Variants in KLF17 observed in about 807,000 individuals in gnomAD.
The protein encoded by KLF17 is Krueppel-like factor 17.
In KLF17, 31 loss-of-function variants were observed where a neutral mutation model predicts 34.2. The observed-to-expected ratio is 0.91, with a 90% confidence interval of 0.68 to 1.22. KLF17 has a LOEUF of 1.22. Ranked by LOEUF, KLF17 falls within the 50% of genes most tolerant of loss-of-function variation. The pLI is 0.00. For missense variants in KLF17, 478 were observed against 505.2 expected (o/e 0.95, Z 0.52); for synonymous variants, 179 against 186.7 (o/e 0.96, Z 0.34).
At chr1:44,078,167 C>T in the KLF17 span, among the ~76,000 whole-genome samples, 1 of 152,170 alleles carries the variant, frequency 6.6e-6, no homozygotes, top group African/African-American at 2.4e-5. Flanking sequence ...ACACTGAAAC[C>T]ATGAAGCAAG....
the KLF17 span, among the ~76,000 whole-genome samples, chr1:44,053,928 T>G: frequency 1.3e-5 from 2 of 152,300 alleles, no homozygotes; most frequent in Admixed American, 1.3e-4. Context: ...TGGGAGGAGA[T>G]GCAATTCCAG....
At chr1:44,077,050 T>G in the KLF17 span, among the ~76,000 whole-genome samples, 1 of 151,106 alleles carries the variant, frequency 6.6e-6, no homozygotes, top group African/African-American at 2.4e-5. Context: ...CTTTCTTTTT[T>G]TTTAAAAAAA....
the KLF17 span, among the ~76,000 whole-genome samples, chr1:44,058,451 C>A: frequency 6.6e-6 from 1 of 151,886 alleles, no homozygotes; most frequent in African/African-American, 2.4e-5. Flanking sequence ...TCACCAAGCC[C>A]GGCTAATTTT....
chr1:44,079,998 G>A, the KLF17 span, among the ~76,000 whole-genome samples: 15 of 150,880 alleles, frequency 9.9e-5, no homozygotes, highest in Non-Finnish European at 1.6e-4. Context: ...GCGTGATCTC[G>A]GCTTACTACA....
At chr1:44,073,263 A>G in the KLF17 span, among the ~76,000 whole-genome samples, 2 of 149,748 alleles carry the variant, frequency 1.3e-5, no homozygotes, top group Non-Finnish European at 3.0e-5. Flanking sequence ...TTGGAGTGCA[A>G]TGGTGCAATT....
chr1:44,123,096 G>A (rs577317846), intron 1 of KLF17, among the ~76,000 whole-genome samples: 28 of 152,098 alleles, frequency 1.8e-4, no homozygotes, highest in South Asian at 6.2e-4. Context: ...CTTTTGTCAC[G>A]TGAGGCTGCA....
the KLF17 span, among the ~76,000 whole-genome samples, chr1:44,060,746 C>T: frequency 6.6e-6 from 1 of 152,204 alleles, no homozygotes; most frequent in Non-Finnish European, 1.5e-5. Context: ...TCTTTAGCCA[C>T]CAATAGCGGT....
At chr1:44,099,865 G>GAAAGAAAGAAAGAAAGAAAGAAAA in the KLF17 span, among the ~76,000 whole-genome samples, 2 of 49,400 alleles carry the variant, frequency 4.0e-5, no homozygotes, top group African/African-American at 1.3e-4. Flanking sequence ...AAGAAAGAAA[G>GAAAGAAAGAAAGAAAGAAAGAAAA]AAAGAAAGAA....
intron 1 of KLF17, chr1:44,122,617 TAG>T (rs760893370): frequency 2.4e-5 from 16 of 669,128 alleles, no homozygotes; most frequent in African/African-American, 2.3e-4. Context: ...TTTTTTGAGA[TAG>T]AGTCTCACTC....
rs1215628498 is a variant in KLF17 at position 44,129,462 on chromosome 1, G to A, written c.191G>A (p.Ser64Asn). The stretch of plus-strand genomic sequence containing the variant: ...CCAAGCATTCAGCACTTTCCTCACA[G>A]CGCAGAGATGCTGGGGTCCCCTTTG... ...GLPSIQHFPH[S>N]AEMLGSPLVS... Residue 64 changes from serine (S) to asparagine (N), a missense_variant, in exon 2 of 4, where the codon AGC (serine) becomes AAC (asparagine). Physicochemically the swap from Ser to Asn is conservative, Grantham distance 46 (BLOSUM62 1). Transcript: ENST00000372299. 1.2e-6 allele frequency: 2 copies of A among 1,609,462 alleles called. No homozygotes were observed. The highest frequency in any genetic ancestry group is 1.7e-5 in the Admixed American group (1 of 59,610).
chr1:44,091,722 C>T, the KLF17 span, among the ~76,000 whole-genome samples: 1 of 150,172 alleles, frequency 6.7e-6, no homozygotes, highest in African/African-American at 2.4e-5. Context: ...AAGACAAAAG[C>T]ATATTAGTAT....
chr1:44,112,452 C>G, the KLF17 span, among the ~76,000 whole-genome samples: 1 of 152,122 alleles, frequency 6.6e-6, no homozygotes, highest in East Asian at 1.9e-4. Context: ...TTTGTCCAGG[C>G]TGGAGTACAG....
At chr1:44,078,558 C>T in the KLF17 span, among the ~76,000 whole-genome samples, 1 of 151,940 alleles carries the variant, frequency 6.6e-6, no homozygotes, top group Non-Finnish European at 1.5e-5. Flanking sequence ...CTGCCTCAGC[C>T]CCCTGAGTAG....
At chr1:44,078,160 C>G in the KLF17 span, among the ~76,000 whole-genome samples, 37 of 152,308 alleles carry the variant, frequency 2.4e-4, no homozygotes, top group East Asian at 6.7e-3. Flanking sequence ...CTTAATAACA[C>G]TGAAACCATG....
At chr1:44,066,971 G>C in the KLF17 span, among the ~76,000 whole-genome samples, 2 of 152,030 alleles carry the variant, frequency 1.3e-5, no homozygotes. Flanking sequence ...ATTTCATTTA[G>C]GCATCTATAT....
the KLF17 span, among the ~76,000 whole-genome samples, chr1:44,098,985 C>G: frequency 2.6e-5 from 4 of 151,714 alleles, no homozygotes; most frequent in Non-Finnish European, 5.9e-5. Context: ...GTCTTGGCCT[C>G]CCAAGTTGTT....
the KLF17 span, among the ~76,000 whole-genome samples, chr1:44,068,454 C>T: frequency 6.6e-6 from 1 of 152,210 alleles, no homozygotes; most frequent in Admixed American, 6.5e-5. Flanking sequence ...TGGGGCAGGG[C>T]CCTCCAGTTA....
rs1041447485 is a variant in KLF17, at chr1:44,121,053, T to A, written c.81+2065T>A. Among the ~76,000 whole-genome samples, 16 of 152,188 alleles carry A rather than the reference T, an allele frequency of 1.1e-4. No individual in the cohort carries two copies. The East Asian group carries it at 1.5e-3, about 15-fold the overall frequency. ...TTCCCAACTCTTCTAGAGTTTTTTTTAAAAAATGAACATTTTTCTCTATAG... is the reference window on the plus strand; with the variant it reads ...TTCCCAACTCTTCTAGAGTTTTTTTAAAAAAATGAACATTTTTCTCTATAG... On this transcript the variant is annotated intron_variant, in intron 1 of 3. Coordinates refer to ENST00000372299, the MANE Select transcript of KLF17 (RefSeq NM_173484.4).
chr1:44,069,469 C>T, the KLF17 span, among the ~76,000 whole-genome samples: 7 of 127,084 alleles, frequency 5.5e-5, no homozygotes, highest in African/African-American at 2.1e-4. This position sits in a 1 kb window ranked among gnomAD's most constrained non-coding sequence, Gnocchi z 4.7. Context: ...TGTTACATGG[C>T]GAGAGAGAGA....
Sources: allele counts gnomAD v4.1 joint callset (sites outside exome capture counted in the v4.1 genomes callset), GRCh38; gene constraint gnomAD v4.1.1; non-coding constraint Gnocchi (gnomAD v3.1); transcripts MANE v1.5; gene names NCBI Gene and HGNC (gene_info 2026-07-23, HGNC 2026-07-21).